Variants in DPP6 observed in about 807,000 individuals in gnomAD.
DPP6 encodes A-type potassium channel modulatory protein DPP6.
In DPP6, 69 loss-of-function variants were observed where a neutral mutation model predicts 122.6. That is an observed-to-expected ratio of 0.56 (90% CI 0.46 to 0.69). The LOEUF is 0.69. DPP6 is among the 30% of genes least tolerant of loss of function. The pLI, the probability that DPP6 is intolerant of heterozygous loss-of-function variation, is 0.00. For missense variants in DPP6, 928 were observed against 1,116.9 expected (o/e 0.83, Z 2.41); for synonymous variants, 418 against 433.1 (o/e 0.97, Z 0.43).
At chr7:154,477,512 C>T (rs1822852097) in intron 3 of DPP6, among the ~76,000 whole-genome samples, 1 of 122,794 alleles carries the variant, frequency 8.1e-6, no homozygotes, top group African/African-American at 3.2e-5. Flanking sequence ...CAGACTTGGC[C>T]TAAAGCAGCA....
chr7:154,154,816 C>T (rs534662747), intron 1 of DPP6, among the ~76,000 whole-genome samples: 1 of 152,354 alleles, frequency 6.6e-6, no homozygotes, highest in African/African-American at 2.4e-5. Flanking sequence ...CACACCAAAG[C>T]TCAGGATCTC....
At chr7:154,409,704 C>A (rs567610084) in intron 1 of DPP6, among the ~76,000 whole-genome samples, 19 of 152,218 alleles carry the variant, frequency 1.2e-4, no homozygotes, top group African/African-American at 4.3e-4. Flanking sequence ...CTTGCCCTGG[C>A]GCTAAAATCA....
intron 3 of DPP6, among the ~76,000 whole-genome samples, chr7:154,532,125 A>C (rs1398285627): frequency 1.3e-5 from 2 of 152,118 alleles, no homozygotes; most frequent in African/African-American, 4.8e-5. Flanking sequence ...ACGTTTCAAA[A>C]GACTGAAATA....
chr7:154,849,581 G>T (rs1172781466), intron 16 of DPP6, among the ~76,000 whole-genome samples: 1 of 152,096 alleles, frequency 6.6e-6, no homozygotes, highest in African/African-American at 2.4e-5. Context: ...CAATCTTTAT[G>T]GTTCTCTTTA....
intron 1 of DPP6, among the ~76,000 whole-genome samples, chr7:154,135,955 C>T (rs1208647272): frequency 1.2e-4 from 18 of 152,164 alleles, no homozygotes; most frequent in African/African-American, 3.9e-4. Context: ...TGTGAGCACA[C>T]ACTTCCTCTC....
chr7:154,665,155 G>T (rs1167338889), intron 6 of DPP6, among the ~76,000 whole-genome samples: 1 of 152,118 alleles, frequency 6.6e-6, no homozygotes, highest in African/African-American at 2.4e-5. Flanking sequence ...GTTTTTCCCA[G>T]TGTTTTCTCA....
At chr7:154,451,236 C>T (rs912971905) in intron 2 of DPP6, among the ~76,000 whole-genome samples, 1 of 151,820 alleles carries the variant, frequency 6.6e-6, no homozygotes, top group African/African-American at 2.4e-5. Flanking sequence ...TGGCAGGTGC[C>T]TGTAATCTCA....
chr7:154,672,111 C>T (rs1165442976), intron 7 of DPP6, among the ~76,000 whole-genome samples: 1 of 152,102 alleles, frequency 6.6e-6, no homozygotes, highest in Non-Finnish European at 1.5e-5. Context: ...CCCCCATGCT[C>T]TTCTAGTGAT....
intron 1 of DPP6, among the ~76,000 whole-genome samples, chr7:154,103,284 A>G (rs1182756075): frequency 6.6e-6 from 1 of 152,226 alleles, no homozygotes; most frequent in African/African-American, 2.4e-5. Flanking sequence ...CCATTCCGTC[A>G]GCCATACTGA....
chr7:154,421,353 G>C (rs1230667500), intron 1 of DPP6, among the ~76,000 whole-genome samples: 1 of 147,202 alleles, frequency 6.8e-6, no homozygotes, highest in East Asian at 2.0e-4. Flanking sequence ...ATGGGGTGTT[G>C]CTCTTCTTAC....
chr7:154,049,448 A>G (rs182528324), upstream of DPP6, among the ~76,000 whole-genome samples: 292 of 102,780 alleles, frequency 2.8e-3, no homozygotes, highest in East Asian at 4.9e-3. Flanking sequence ...CTAACATACT[A>G]ACCACTTTAT....
rs1327911945 is a variant in DPP6, at chr7:153,963,314, G to A, written c.51+75580G>A. Among the ~76,000 whole-genome samples, 4 of 151,214 alleles carry A rather than the reference G, an allele frequency of 2.6e-5. No individual in the cohort carries two copies. The East Asian group carries it at 7.7e-4, about 29-fold the overall frequency. ...CTGCCACGTGCCAGGCACTATGGGG[G>A]CTTTAGTGTAGATGATTTCTCCCTC... On this transcript the variant is annotated intron_variant, in intron 1 of 25. Transcript: ENST00000404039.
rs895390875 is a variant in DPP6 at position 154,745,406 on chromosome 7, A to G, written c.883+17519A>G. ...AAGATTACAATAGAATTGCCAGAGT[A>G]TCTAGCATTCAGTAAATATTTATTA... On this transcript the variant is annotated intron_variant, in intron 8 of 25. Coordinates refer to ENST00000377770, the MANE Select transcript of DPP6 (RefSeq NM_130797.4). 3.3e-5 allele frequency among the ~76,000 whole-genome samples: 5 copies of G among 152,224 alleles called. No individual in the cohort carries two copies. The East Asian group carries it at 5.8e-4, about 18-fold the overall frequency.
intron 1 of DPP6, among the ~76,000 whole-genome samples, chr7:154,098,918 G>A (rs1435519175): frequency 6.6e-6 from 1 of 152,210 alleles, no homozygotes; most frequent in Non-Finnish European, 1.5e-5. Context: ...CCCATAAAAT[G>A]TCTACACTTT....
intron 1 of DPP6, among the ~76,000 whole-genome samples, chr7:154,140,288 A>T (rs1313438463): frequency 6.6e-6 from 1 of 152,186 alleles, no homozygotes. Context: ...TCCACACATT[A>T]TGAAAGACAC....
At chr7:153,941,875 C>G (rs1159023862) in intron 1 of DPP6, among the ~76,000 whole-genome samples, 1 of 152,096 alleles carries the variant, frequency 6.6e-6, no homozygotes, top group African/African-American at 2.4e-5. Flanking sequence ...TTCTGTTTGT[C>G]TCTCTCTCCT....
At chr7:154,768,191 C>T (rs1796026041) in intron 8 of DPP6, among the ~76,000 whole-genome samples, 1 of 152,244 alleles carries the variant, frequency 6.6e-6, no homozygotes, top group Non-Finnish European at 1.5e-5. Flanking sequence ...CATGAACCCT[C>T]CTCCCGGCCA....
chr7:154,158,068 A>C lies in DPP6; in HGVS notation c.243+105005A>C, dbSNP rs553801636. Among the ~76,000 whole-genome samples the C allele has an allele frequency of 1.3e-3, 194 of 149,600 alleles. 1 individual carries two copies. Among genetic ancestry groups the C allele is most frequent in the Non-Finnish European group, 2.3e-3 (155 of 67,544 alleles). On this transcript the variant is annotated intron_variant, in intron 1 of 25. Transcript: ENST00000377770. Reference sequence around the variant, plus strand: ...AGATGAAGATTAACTCTTCCGTATTACTTTTCACCCAATTTCACCTTCCCC... The same window carrying C: ...AGATGAAGATTAACTCTTCCGTATTCCTTTTCACCCAATTTCACCTTCCCC...
intron 1 of DPP6, among the ~76,000 whole-genome samples, chr7:154,412,190 C>T (rs1198894751): frequency 6.6e-6 from 1 of 152,130 alleles, no homozygotes; most frequent in African/African-American, 2.4e-5. Flanking sequence ...AAGGCCCCAC[C>T]TCCTAATCTT....
Sources: gnomAD v4.1 joint callset for allele counts (sites outside exome capture counted in the v4.1 genomes callset) on GRCh38, gnomAD v4.1.1 for gene constraint, MANE v1.5 for transcripts, NCBI Gene and HGNC (gene_info 2026-07-23, HGNC 2026-07-21) for gene names.